The following IGFBP5 variants were observed in gnomAD, a reference collection of about 807,000 sequenced individuals.
IGFBP5 encodes insulin like growth factor binding protein 5.
Under a neutral mutation model 28.0 loss-of-function variants are expected in IGFBP5, and 12 were observed. The ratio of observed to expected loss-of-function variants is 0.43; its 90% CI spans 0.27 to 0.69. IGFBP5 has a LOEUF of 0.69. IGFBP5 is among the 30% of genes least tolerant of loss of function. IGFBP5 has a pLI of 0.20. For missense variants in IGFBP5, 344 were observed against 381.6 expected, an observed-to-expected ratio of 0.90 and a Z score of 0.82; for synonymous variants, 152 against 150.2, an observed-to-expected ratio of 1.01 and a Z score of -0.09.
chr2:216,685,999 G>GAA (rs111976159), intron 1 of IGFBP5, among the ~76,000 whole-genome samples: 5,673 of 142,336 alleles, frequency 0.04, 340 homozygotes, highest in African/African-American at 0.14. Flanking sequence ...AACCTTTTAA[G>GAA]AAAAAAAAAA....
chr2:216,674,314 GAGA>G lies in IGFBP5; in HGVS notation c.*2434_*2436del, dbSNP rs1688869801. On this transcript the variant is annotated 3_prime_UTR_variant, in exon 4 of 4. Coordinates refer to ENST00000233813, the MANE Select transcript of IGFBP5 (RefSeq NM_000599.4). This position sits in a 1 kb window ranked among gnomAD's most constrained non-coding sequence, Gnocchi z 4.4. ...TGGGTTTAGGGGACAGCTGTGCAGA[GAGA>G]TGGGGCATGCTGACTCGGCAGGTCA... 6.5e-6 allele frequency: 1 copy of G among 153,510 alleles called. No homozygotes were observed. Among genetic ancestry groups the G allele is most frequent in the Non-Finnish European group, 1.5e-5 (1 of 68,120 alleles). 9.5% of individuals were successfully genotyped at this position (153,510 alleles called of 1,614,324 possible). A position where few individuals can be genotyped will look rare whatever the true frequency, so the allele number is the denominator to read the frequency against.
At chr2:216,691,493 TC>T (rs1689094970) in intron 1 of IGFBP5, among the ~76,000 whole-genome samples, 1 of 152,178 alleles carries the variant, frequency 6.6e-6, no homozygotes, top group African/African-American at 2.4e-5. Flanking sequence ...ATAACTCCCG[TC>T]TTTCATCTCC....
chr2:216,678,305 G>A, intron 2 of IGFBP5, 74 bp from the exon 3 acceptor site: 3 of 1,412,144 alleles, frequency 2.1e-6, no homozygotes, highest in Non-Finnish European at 2.8e-6. Context: ...GAATGGCCCA[G>A]GGGGTGGGGG....
chr2:216,692,765 C>T lies in IGFBP5; in HGVS notation c.337+1674G>A, dbSNP rs1689116792. 6.6e-6 allele frequency among the ~76,000 whole-genome samples: 1 copy of T among 152,038 alleles called. No homozygotes were observed. The highest frequency in any genetic ancestry group is 1.5e-5 in the Non-Finnish European group (1 of 67,962). On this transcript the variant is annotated intron_variant, in intron 1 of 3. Coordinates refer to ENST00000233813, the MANE Select transcript of IGFBP5 (RefSeq NM_000599.4). This position sits in a 1 kb window ranked among gnomAD's most constrained non-coding sequence, Gnocchi z 4.2. ...TTTTCCTCTTTTTGCAGGCTGCAAC[C>T]TGCAAAAAGATCGACTTTTTGCAGG...
chr2:216,692,233 G>C lies in IGFBP5; in HGVS notation c.337+2206C>G, dbSNP rs901849550. On this transcript the variant is annotated intron_variant, in intron 1 of 3. Coordinates refer to ENST00000233813, the MANE Select transcript of IGFBP5 (RefSeq NM_000599.4). This position sits in a 1 kb window ranked among gnomAD's most constrained non-coding sequence, Gnocchi z 4.2. ...ACCTGCCTTCGGCGGGGTGGAGTCG[G>C]AGAGGAGTGCTGGGGAGGGGGCGGG... is the stretch of plus-strand genomic sequence containing the variant. Among the ~76,000 whole-genome samples, 5 of 152,186 alleles carry C rather than the reference G, an allele frequency of 3.3e-5. No homozygotes were observed. The South Asian group carries it at 8.3e-4, about 25-fold the overall frequency.
In IGFBP5 at chr2:216,691,919, C is replaced by T. The variant is rs143779866; in HGVS notation, c.337+2520G>A. The stretch of plus-strand genomic sequence containing the variant: ...GAGGGAGGGGGCAAATCCATATCTG[C>T]AAGCTCAGATTTTGGCGGGGGTGGG... On this transcript the variant is annotated intron_variant, in intron 1 of 3. Transcript: ENST00000233813. 3.6e-3 allele frequency among the ~76,000 whole-genome samples: 441 copies of T among 123,338 alleles called. 1 individual carries two copies. The highest frequency in any genetic ancestry group is 0.013 in the African/African-American group (423 of 31,690). 80.9% of individuals were successfully genotyped at this position (123,338 alleles called of 152,430 possible).
intron 2 of IGFBP5, among the ~76,000 whole-genome samples, chr2:216,678,473 C>A (rs1420653294): frequency 6.6e-6 from 1 of 152,180 alleles, no homozygotes; most frequent in African/African-American, 2.4e-5. Flanking sequence ...CCAGTCCACC[C>A]CCTCCCCTGC....
intron 2 of IGFBP5, 152 bp from the exon 3 acceptor site, chr2:216,678,383 CCT>C (rs1038820946): frequency 2.6e-6 from 2 of 761,858 alleles, no homozygotes; most frequent in African/African-American, 1.8e-5. Context: ...ATCTTTCCTC[CCT>C]GTCACCTGTC....
intron 1 of IGFBP5, among the ~76,000 whole-genome samples, chr2:216,684,836 G>A (rs1456889223): frequency 6.6e-6 from 1 of 152,228 alleles, no homozygotes; most frequent in Non-Finnish European, 1.5e-5. Flanking sequence ...TGCATGCCTT[G>A]GGAGGTTATC....
chr2:216,685,999 G>GAAA (rs111976159), intron 1 of IGFBP5, among the ~76,000 whole-genome samples: 3 of 142,404 alleles, frequency 2.1e-5, no homozygotes, highest in African/African-American at 7.7e-5. Context: ...AACCTTTTAA[G>GAAA]AAAAAAAAAA....
In IGFBP5 at chr2:216,694,411, AACTG is replaced by A. The variant is rs2106228005; in HGVS notation, c.337+24_337+27del. ...CGTGTCCCCCGCCCGTGCGCCGCGTAACTGACTGGCACACTGAGCGCGCTCACCG... is the reference window on the plus strand; with the variant it reads ...CGTGTCCCCCGCCCGTGCGCCGCGTAACTGGCACACTGAGCGCGCTCACCG... On this transcript the variant is annotated intron_variant, in intron 1 of 3. Coordinates refer to ENST00000233813, the MANE Select transcript of IGFBP5 (RefSeq NM_000599.4). This position sits in a 1 kb window ranked among gnomAD's most constrained non-coding sequence, Gnocchi z 5.2. 1.4e-6 allele frequency: 2 copies of A among 1,468,690 alleles called. No homozygotes were observed. The highest frequency in any genetic ancestry group is 1.8e-6 in the Non-Finnish European group (2 of 1,110,958). 91.0% of individuals were successfully genotyped at this position (1,468,690 alleles called of 1,614,324 possible). A position where few individuals can be genotyped will look rare whatever the true frequency, so the allele number is the denominator to read the frequency against.
intron 1 of IGFBP5, among the ~76,000 whole-genome samples, chr2:216,688,758 A>G (rs1170416477): frequency 2.0e-5 from 3 of 152,156 alleles, no homozygotes; most frequent in African/African-American, 4.8e-5. Flanking sequence ...ACATGAGATA[A>G]CTGAGTTCGT....
rs940971040 is a variant in IGFBP5, at chr2:216,679,652, G to A, written c.338-573C>T. Among the ~76,000 whole-genome samples the A allele has an allele frequency of 6.6e-6, 1 of 152,126 alleles. No individual in the cohort carries two copies. Among genetic ancestry groups the A allele is most frequent in the Non-Finnish European group, 1.5e-5 (1 of 68,032 alleles). On this transcript the variant is annotated intron_variant, in intron 1 of 3. Coordinates refer to ENST00000233813, the MANE Select transcript of IGFBP5 (RefSeq NM_000599.4). The surrounding 1 kb of genome is among the most constrained non-coding windows in gnomAD (Gnocchi z 4.6). ...TTTGGACCTGGGGAACCTAGGAGGAGGGGGTCCTGGGGTCTGGAGCAGCAG... is the reference window on the plus strand; with the variant it reads ...TTTGGACCTGGGGAACCTAGGAGGAAGGGGTCCTGGGGTCTGGAGCAGCAG...
At position 216,692,186 on chromosome 2, in the gene IGFBP5, C is replaced by T. The variant is rs1166903664; in HGVS notation, c.337+2253G>A. On this transcript the variant is annotated intron_variant, in intron 1 of 3. Coordinates refer to ENST00000233813, the MANE Select transcript of IGFBP5 (RefSeq NM_000599.4). This position sits in a 1 kb window ranked among gnomAD's most constrained non-coding sequence, Gnocchi z 4.2. ...CCAGCAGCGGTGGAGCGCCGCCAAC[C>T]CGCAACAGCAGCCGGCCGGGCACCT... Among the ~76,000 whole-genome samples the T allele has an allele frequency of 6.6e-6, 1 of 152,236 alleles. No individual in the cohort carries two copies. Among genetic ancestry groups the T allele is most frequent in the African/African-American group, 2.4e-5 (1 of 41,556 alleles).
rs757919954 is a variant in IGFBP5 at position 216,681,432 on chromosome 2, G to A, written c.338-2353C>T. On this transcript the variant is annotated intron_variant, in intron 1 of 3. Coordinates refer to ENST00000233813, the MANE Select transcript of IGFBP5 (RefSeq NM_000599.4). ...GTGGGCTGGCTGCTGACCAGCGCAT[G>A]CGTCTATGCGTCTCCTTCAGTGGGC... Among the ~76,000 whole-genome samples the A allele has an allele frequency of 2.6e-5, 4 of 152,276 alleles. 1 individual carries two copies. The East Asian group carries it at 7.7e-4, about 29-fold the overall frequency.
chr2:216,685,753 T>C (rs1035653452), intron 1 of IGFBP5, among the ~76,000 whole-genome samples: 1 of 152,176 alleles, frequency 6.6e-6, no homozygotes, highest in Non-Finnish European at 1.5e-5. Context: ...GCCACAGTGG[T>C]TGTGGCAGGG....
rs1240766892 is a variant in IGFBP5, at chr2:216,675,256, A to G, written c.*1495T>C. ...CTTTTTGCCACCATCTCCCTCTGCC[A>G]TCTCTTACTTCAGTCTCCCTCCTGC... On this transcript the variant is annotated 3_prime_UTR_variant, in exon 4 of 4. Coordinates refer to ENST00000233813, the MANE Select transcript of IGFBP5 (RefSeq NM_000599.4). 4 of 152,412 alleles carry G rather than the reference A, an allele frequency of 2.6e-5. No individual in the cohort carries two copies. Among genetic ancestry groups the G allele is most frequent in the African/African-American group, 9.7e-5 (4 of 41,430 alleles). The allele number at this position is 152,412 out of a possible 1,614,324, so 9.4% of individuals were successfully genotyped here. A position where few individuals can be genotyped will look rare whatever the true frequency, so the allele number is the denominator to read the frequency against.
rs1688885705 is a variant in IGFBP5, at chr2:216,675,546, A to T, written c.*1205T>A. The T allele has an allele frequency of 6.6e-6, 1 of 152,224 alleles. No homozygotes were observed. The highest frequency in any genetic ancestry group is 2.1e-4 in the South Asian group (1 of 4,820). The allele number at this position is 152,224 out of a possible 1,614,324, so 9.4% of individuals were successfully genotyped here. On this transcript the variant is annotated 3_prime_UTR_variant, in exon 4 of 4. Transcript: ENST00000233813. ...GTGGGGAATCACTGTCAAATCCAGT[A>T]CTGTGCCCCACAAAAAAGCTGAGTT...
In IGFBP5 at chr2:216,692,934, T is replaced by C. The variant is rs540577156; in HGVS notation, c.337+1505A>G. Among the ~76,000 whole-genome samples the C allele has an allele frequency of 2.6e-5, 4 of 152,156 alleles. No homozygotes were observed. In the East Asian group the frequency reaches 7.8e-4, roughly 30 times the overall value. On this transcript the variant is annotated intron_variant, in intron 1 of 3. Coordinates refer to ENST00000233813, the MANE Select transcript of IGFBP5 (RefSeq NM_000599.4). This position sits in a 1 kb window ranked among gnomAD's most constrained non-coding sequence, Gnocchi z 4.2. The stretch of plus-strand genomic sequence containing the variant: ...GCGGACGCACTCCTCTCCTGCACTA[T>C]AGTGACTGAAATTTGCACTTCAGAA...
Sources: gnomAD v4.1 joint callset for allele counts (sites outside exome capture counted in the v4.1 genomes callset) on GRCh38, gnomAD v4.1.1 for gene constraint, Gnocchi (gnomAD v3.1) non-coding constraint, MANE v1.5 for transcripts, NCBI Gene and HGNC (gene_info 2026-07-23, HGNC 2026-07-21) for gene names.